BAZ1B: variants seen among roughly 807,000 people sequenced by gnomAD.
The protein encoded by BAZ1B is bromodomain adjacent to zinc finger domain 1B, also known as tyrosine-protein kinase BAZ1B.
BAZ1B carries 22 observed loss-of-function variants against 153.8 expected under a neutral mutation model. The observed-to-expected ratio is 0.14, with a 90% CI of 0.10 to 0.20. The LOEUF (loss-of-function observed/expected upper bound fraction) is 0.20. BAZ1B is among the 10% of genes least tolerant of loss of function. The pLI is 1.00. For missense variants in BAZ1B, 1,325 were observed against 1,799.3 expected, an observed-to-expected ratio of 0.74 and a Z score of 4.77; for synonymous variants, 676 against 633.4, an observed-to-expected ratio of 1.07 and a Z score of -1.01.
intron 3 of BAZ1B, among the ~76,000 whole-genome samples, chr7:73,500,459 C>T (rs537195724): frequency 4.0e-4 from 61 of 152,280 alleles, no homozygotes; most frequent in Non-Finnish European, 7.8e-4. Flanking sequence ...AAGGGGATCA[C>T]TTGAGCCTGG....
intron 7 of BAZ1B, among the ~76,000 whole-genome samples, chr7:73,475,384 C>T (rs1788958425): frequency 6.6e-6 from 1 of 152,100 alleles, no homozygotes; most frequent in Admixed American, 6.6e-5. Flanking sequence ...GGAATATTAT[C>T]CAGCCATAAA....
chr7:73,454,453 T>C (rs1248808809), intron 13 of BAZ1B, among the ~76,000 whole-genome samples: 2 of 152,202 alleles, frequency 1.3e-5, no homozygotes, highest in African/African-American at 4.8e-5. Flanking sequence ...TGCTTACCTC[T>C]TATCCAAAAT....
intron 5 of BAZ1B, among the ~76,000 whole-genome samples, chr7:73,490,072 T>A (rs1423794659): frequency 6.6e-6 from 1 of 152,208 alleles, no homozygotes; most frequent in African/African-American, 2.4e-5. Flanking sequence ...ACTGCAGTCC[T>A]ATGAAAAAAC....
At chr7:73,442,120 G>A (rs1296460141) in intron 19 of BAZ1B, 61 bp downstream of exon 19, 1 of 1,079,244 alleles carries the variant, frequency 9.3e-7, no homozygotes, top group Non-Finnish European at 1.3e-6. Context: ...CAGGTTCTTG[G>A]TCTTCCTCGC....
chr7:73,514,533 CAA>C (rs561236136), intron 1 of BAZ1B, among the ~76,000 whole-genome samples: 4 of 78,454 alleles, frequency 5.1e-5, no homozygotes, highest in Non-Finnish European at 7.8e-5. Context: ...AACTCAGTCT[CAA>C]AAAAAAAAAA....
At chr7:73,492,247 C>T (rs1554575676) in intron 5 of BAZ1B, among the ~76,000 whole-genome samples, 4 of 152,192 alleles carry the variant, frequency 2.6e-5, no homozygotes, top group Non-Finnish European at 5.9e-5. Context: ...ACTGCAAGCT[C>T]CGCCTCCCAG....
chr7:73,483,672 C>T (rs1288968677), intron 6 of BAZ1B, among the ~76,000 whole-genome samples: 1 of 152,048 alleles, frequency 6.6e-6, no homozygotes, highest in African/African-American at 2.4e-5. Flanking sequence ...GGGTCTCACT[C>T]TGTCTGTCAC....
chr7:73,497,949 GT>G (rs576417617), intron 4 of BAZ1B, among the ~76,000 whole-genome samples: 83 of 140,638 alleles, frequency 5.9e-4, no homozygotes, highest in East Asian at 1.0e-3. Context: ...TTTGTGTTTT[GT>G]TTTTTTTTTT....
Position 73,477,583 on chromosome 7 carries a change from T to C in BAZ1B, c.1878A>G (p.Pro626=), listed in dbSNP as rs782152799. ...FLSCYSGLLL[P]DAQYPITAVS... ...CAGCAGTAATAGGATACTGAGCATCTGGTAAAAGTAGCCCAGAATAACAGC... is the reference window on the plus strand; with the variant it reads ...CAGCAGTAATAGGATACTGAGCATCCGGTAAAAGTAGCCCAGAATAACAGC... Residue 626 remains proline, a synonymous_variant, in exon 7 of 20, where the codon CCA becomes CCG. Transcript: ENST00000339594. This position sits in a 1 kb window ranked among gnomAD's most constrained non-coding sequence, Gnocchi z 5.6. 2.5e-6 allele frequency: 4 copies of C among 1,614,224 alleles called. No individual in the cohort carries two copies. The highest frequency in any genetic ancestry group is 1.1e-5 in the South Asian group (1 of 91,082).
At chr7:73,494,654 C>A (rs1554576179) in intron 4 of BAZ1B, among the ~76,000 whole-genome samples, 1 of 152,000 alleles carries the variant, frequency 6.6e-6, no homozygotes, top group East Asian at 1.9e-4. Context: ...GAGGCTGAGG[C>A]AGGAGGATCA....
intron 12 of BAZ1B, among the ~76,000 whole-genome samples, chr7:73,460,253 T>A (rs1264755003): frequency 4.2e-5 from 6 of 141,752 alleles, no homozygotes; most frequent in African/African-American, 1.6e-4. Flanking sequence ...AGCTAAGGGA[T>A]CCACTAAATG....
chr7:73,518,690 G>A, intron 1 of BAZ1B, among the ~76,000 whole-genome samples: 1 of 152,166 alleles, frequency 6.6e-6, no homozygotes. Context: ...CTCCAGCCTG[G>A]GCAACACAGC....
intron 1 of BAZ1B, among the ~76,000 whole-genome samples, chr7:73,512,665 T>C (rs1790635702): frequency 6.6e-6 from 1 of 152,230 alleles, no homozygotes; most frequent in Non-Finnish European, 1.5e-5. Context: ...GTAACTAATT[T>C]ACTTTTAAGC....
At chr7:73,486,118 C>T (rs1446718227) in intron 6 of BAZ1B, among the ~76,000 whole-genome samples, 1 of 152,142 alleles carries the variant, frequency 6.6e-6, no homozygotes, top group African/African-American at 2.4e-5. Flanking sequence ...TTATATGCAA[C>T]ATACTATGCT....
intron 10 of BAZ1B, among the ~76,000 whole-genome samples, chr7:73,465,774 T>C (rs1323194823): frequency 6.6e-6 from 1 of 152,106 alleles, no homozygotes; most frequent in Non-Finnish European, 1.5e-5. Context: ...ATATGAAATT[T>C]TATAAAGTTA....
intron 11 of BAZ1B, chr7:73,464,080 T>C (rs1788489624): frequency 1.1e-6 from 1 of 922,804 alleles, no homozygotes; most frequent in Non-Finnish European, 1.3e-6. Context: ...TTTTACTTAA[T>C]TTACACATTA....
chr7:73,498,286 A>C (rs1789996058), intron 4 of BAZ1B, among the ~76,000 whole-genome samples: 1 of 152,196 alleles, frequency 6.6e-6, no homozygotes, highest in South Asian at 2.1e-4. Context: ...AAGCAACTAG[A>C]GGAAACGACT....
chr7:73,465,196 G>C (rs1788536407), intron 11 of BAZ1B, among the ~76,000 whole-genome samples: 1 of 152,086 alleles, frequency 6.6e-6, no homozygotes, highest in Admixed American at 6.5e-5. Context: ...CTCACAGCTT[G>C]GTGCTGGCAA....
intron 15 of BAZ1B, among the ~76,000 whole-genome samples, chr7:73,448,018 G>C (rs532529593): frequency 6.6e-6 from 1 of 152,306 alleles, no homozygotes; most frequent in South Asian, 2.1e-4. Flanking sequence ...TTAGAAGGAA[G>C]CCCAGGCCGG....
Sources: gnomAD v4.1 joint callset for allele counts (sites outside exome capture counted in the v4.1 genomes callset) on GRCh38, gnomAD v4.1.1 for gene constraint, Gnocchi (gnomAD v3.1) non-coding constraint, MANE v1.5 for transcripts, NCBI Gene and HGNC (gene_info 2026-07-23, HGNC 2026-07-21) for gene names.